PLEKHM3: variants seen among roughly 807,000 people sequenced by gnomAD.
The protein encoded by PLEKHM3 is pleckstrin homology domain containing M3.
A neutral mutation model predicts 81.8 loss-of-function variants in PLEKHM3; 45 were observed. That is an observed-to-expected ratio of 0.55 (90% CI 0.43 to 0.71). The LOEUF is 0.71. Among genes scored for constraint, PLEKHM3 ranks in the 30% least tolerant of loss-of-function variants. The pLI, the probability that PLEKHM3 is intolerant of heterozygous loss-of-function variation, is 0.00. For synonymous variants in PLEKHM3, 352 were observed against 356.4 expected (o/e 0.99, Z 0.14); for missense variants, 788 against 924.3 (o/e 0.85, Z 1.91).
At chr2:207,910,542 G>A (rs1005935674) in intron 5 of PLEKHM3, among the ~76,000 whole-genome samples, 45 of 152,184 alleles carry the variant, frequency 3.0e-4, no homozygotes, top group Admixed American at 2.7e-3. Context: ...CAAGGTCACA[G>A]AGCTGAGTTT....
rs1266233552 is a variant in PLEKHM3 at position 207,976,480 on chromosome 2, T to C, written c.1546+171A>G. 2.0e-5 allele frequency among the ~76,000 whole-genome samples: 3 copies of C among 152,158 alleles called. No homozygotes were observed. Among genetic ancestry groups the C allele is most frequent in the African/African-American group, 4.8e-5 (2 of 41,458 alleles). ...AGATGGTTGTCCTTATGTTTTAATATAGTAATTTAATATAGGATGTTTTAA... is the reference window on the plus strand; with the variant it reads ...AGATGGTTGTCCTTATGTTTTAATACAGTAATTTAATATAGGATGTTTTAA... On this transcript the variant is annotated intron_variant, in intron 3 of 7. Coordinates refer to ENST00000427836, the MANE Select transcript of PLEKHM3 (RefSeq NM_001080475.3). The surrounding 1 kb of genome is among the most constrained non-coding windows in gnomAD (Gnocchi z 4.1).
chr2:208,011,942 G>A (rs1692712053), intron 1 of PLEKHM3, among the ~76,000 whole-genome samples: 1 of 151,852 alleles, frequency 6.6e-6, no homozygotes, highest in East Asian at 1.9e-4. Flanking sequence ...GATTACAGGT[G>A]TCCGCCACCA....
chr2:207,988,588 C>G (rs1021189468), intron 2 of PLEKHM3, among the ~76,000 whole-genome samples: 3 of 152,178 alleles, frequency 2.0e-5, no homozygotes, highest in Admixed American at 1.3e-4. Flanking sequence ...CTTCCTACTT[C>G]TCTAGAATCC....
In PLEKHM3 at chr2:207,963,090, A is replaced by G. The variant is rs1003411549; in HGVS notation, c.1546+13561T>C. 3.3e-5 allele frequency among the ~76,000 whole-genome samples: 5 copies of G among 152,176 alleles called. No individual in the cohort carries two copies. In the East Asian group the frequency reaches 9.6e-4, roughly 29 times the overall value. Reference sequence around the variant, plus strand: ...TGGGTGTTGGGATGGCAGTTCAAGCATTACAGTGGAGAGAATCTGATAGGT... The same window carrying G: ...TGGGTGTTGGGATGGCAGTTCAAGCGTTACAGTGGAGAGAATCTGATAGGT... On this transcript the variant is annotated intron_variant, in intron 3 of 7. Transcript: ENST00000427836.
At chr2:207,862,787 T>TA (rs2105814692) in intron 6 of PLEKHM3, among the ~76,000 whole-genome samples, 1 of 152,308 alleles carries the variant, frequency 6.6e-6, no homozygotes, top group African/African-American at 2.4e-5. Context: ...ATGCCTTTTG[T>TA]AAAAAATGAA....
At chr2:207,991,620 G>A (rs1363055928) in intron 2 of PLEKHM3, among the ~76,000 whole-genome samples, 1 of 152,058 alleles carries the variant, frequency 6.6e-6, no homozygotes, top group Non-Finnish European at 1.5e-5. Flanking sequence ...AGACCCAGAA[G>A]AGATGCCCTG....
chr2:207,881,119 A>G (rs1464235299), intron 6 of PLEKHM3, among the ~76,000 whole-genome samples: 1 of 152,124 alleles, frequency 6.6e-6, no homozygotes, highest in African/African-American at 2.4e-5. Flanking sequence ...ACATAATAGT[A>G]TTATTTATAA....
At chr2:208,013,297 C>G (rs1692761621) in intron 1 of PLEKHM3, among the ~76,000 whole-genome samples, 1 of 151,892 alleles carries the variant, frequency 6.6e-6, no homozygotes, top group African/African-American at 2.4e-5. Flanking sequence ...GCAGGCAGAT[C>G]ACGAGGTCAG....
chr2:207,828,300 G>T lies in PLEKHM3; in HGVS notation c.*19C>A. 6.3e-7 allele frequency: 1 copy of T among 1,599,620 alleles called. No homozygotes were observed. Among genetic ancestry groups the T allele is most frequent in the Non-Finnish European group, 8.5e-7 (1 of 1,171,586 alleles). ...TGGATTGTTGATTGGTGAATCCCTG[G>T]CCTTCGGGTCGGCTGGAGTCAGGTG... On this transcript the variant is annotated 3_prime_UTR_variant, in exon 8 of 8. Coordinates refer to ENST00000427836, the MANE Select transcript of PLEKHM3 (RefSeq NM_001080475.3).
intron 7 of PLEKHM3, among the ~76,000 whole-genome samples, chr2:207,836,961 T>A (rs1171444190): frequency 2.3e-4 from 35 of 152,178 alleles, no homozygotes; most frequent in Admixed American, 2.3e-3. Context: ...CAGAAATAAG[T>A]GCACGTTATC....
chr2:208,000,977 A>C, intron 2 of PLEKHM3, 53 bp downstream of exon 2: 2 of 1,387,850 alleles, frequency 1.4e-6, no homozygotes, highest in South Asian at 1.6e-5. Context: ...TCTGAGTCAC[A>C]GCCCCAAAAA....
chr2:207,992,577 C>T (rs371607786), intron 2 of PLEKHM3, among the ~76,000 whole-genome samples: 12 of 152,232 alleles, frequency 7.9e-5, no homozygotes, highest in African/African-American at 2.6e-4. Context: ...TTCAACCTTC[C>T]ATGTGTTCAT....
chr2:207,973,499 G>A (rs2106023116), intron 3 of PLEKHM3, among the ~76,000 whole-genome samples: 1 of 152,244 alleles, frequency 6.6e-6, no homozygotes, highest in East Asian at 1.9e-4. Context: ...AGCACTTTGG[G>A]AGGCTGAGGC....
intron 5 of PLEKHM3, among the ~76,000 whole-genome samples, chr2:207,914,015 T>C (rs1464736992): frequency 6.6e-6 from 1 of 152,086 alleles, no homozygotes; most frequent in African/African-American, 2.4e-5. Flanking sequence ...ATTTTCCTAA[T>C]TGAAACAGTT....
intron 6 of PLEKHM3, among the ~76,000 whole-genome samples, chr2:207,884,373 C>G (rs1264747861): frequency 6.6e-6 from 1 of 151,988 alleles, no homozygotes; most frequent in Middle Eastern, 3.2e-3. Flanking sequence ...AAAAAAACTA[C>G]AGAATGGAAA....
At chr2:207,888,433 G>A (rs1687951715) in intron 6 of PLEKHM3, among the ~76,000 whole-genome samples, 1 of 151,898 alleles carries the variant, frequency 6.6e-6, no homozygotes. Flanking sequence ...ATCTCGCTTT[G>A]TCACCCAGGC....
At chr2:207,923,712 G>C (rs1689264153) in intron 5 of PLEKHM3, among the ~76,000 whole-genome samples, 1 of 151,278 alleles carries the variant, frequency 6.6e-6, no homozygotes, top group East Asian at 1.9e-4. Context: ...GAAGAATTTG[G>C]CTCTTAGAGA....
intron 4 of PLEKHM3, among the ~76,000 whole-genome samples, chr2:207,931,485 CTG>C (rs1423713069): frequency 6.6e-6 from 1 of 152,172 alleles, no homozygotes; most frequent in East Asian, 1.9e-4. Context: ...AGGGAGGAAA[CTG>C]TGAAAGGTAC....
chr2:207,938,581 T>C (rs1352178886), intron 4 of PLEKHM3, among the ~76,000 whole-genome samples: 1 of 152,222 alleles, frequency 6.6e-6, no homozygotes, highest in African/African-American at 2.4e-5. Flanking sequence ...TAAATCCTGA[T>C]ATCTGAGAAA....
Sources: gnomAD v4.1 joint callset for allele counts (sites outside exome capture counted in the v4.1 genomes callset) on GRCh38, gnomAD v4.1.1 for gene constraint, Gnocchi (gnomAD v3.1) non-coding constraint, MANE v1.5 for transcripts, NCBI Gene and HGNC (gene_info 2026-07-23, HGNC 2026-07-21) for gene names.